The following THSD7B variants were observed in gnomAD, a reference collection of about 807,000 sequenced individuals.
THSD7B encodes thrombospondin type 1 domain containing 7B.
Under a neutral mutation model 213.6 loss-of-function variants are expected in THSD7B, and 138 were observed. That is an observed-to-expected ratio of 0.65 (90% CI 0.56 to 0.74). The LOEUF (loss-of-function observed/expected upper bound fraction) is 0.74, where lower values mean the gene tolerates loss of function less well. Among genes scored for constraint, THSD7B ranks in the 30% least tolerant of loss-of-function variants. The pLI is 0.00. For missense variants in THSD7B, 1,931 were observed against 1,991.5 expected, an observed-to-expected ratio of 0.97 and a Z score of 0.58; for synonymous variants, 742 against 687.0, an observed-to-expected ratio of 1.08 and a Z score of -1.25.
chr2:136,829,880 T>C (rs1397118781), intron 1 of THSD7B, among the ~76,000 whole-genome samples: 1 of 152,214 alleles, frequency 6.6e-6, no homozygotes, highest in Non-Finnish European at 1.5e-5. Context: ...ATAGAATAAT[T>C]ATACATTAAA....
intron 10 of THSD7B, among the ~76,000 whole-genome samples, chr2:137,246,611 A>G (rs7597497): frequency 0.024 from 3,650 of 152,262 alleles, 163 homozygotes; most frequent in African/African-American, 0.083. Flanking sequence ...TGATCTTCTT[A>G]TTCCTCCTTC....
At chr2:137,407,884 C>T (rs1379538600) in intron 13 of THSD7B, among the ~76,000 whole-genome samples, 1 of 151,180 alleles carries the variant, frequency 6.6e-6, no homozygotes, top group Non-Finnish European at 1.5e-5. Context: ...AAAAATATTC[C>T]ATTTATTAGA....
intron 15 of THSD7B, among the ~76,000 whole-genome samples, chr2:137,546,195 G>A (rs1680704766): frequency 6.8e-6 from 1 of 146,984 alleles, no homozygotes. Flanking sequence ...AATTAGAACT[G>A]ATATTAATGC....
chr2:137,198,991 A>C (rs1459418091), intron 7 of THSD7B, among the ~76,000 whole-genome samples: 1 of 152,190 alleles, frequency 6.6e-6, no homozygotes, highest in Non-Finnish European at 1.5e-5. Flanking sequence ...AGAAATTAAC[A>C]ATCAGAGTAG....
chr2:137,081,980 C>T (rs1687755470), intron 3 of THSD7B, among the ~76,000 whole-genome samples: 2 of 152,038 alleles, frequency 1.3e-5, no homozygotes, highest in Non-Finnish European at 2.9e-5. Context: ...CTCTTTACTG[C>T]ATTATCTCTA....
chr2:137,365,219 A>G (rs1029121247), intron 12 of THSD7B, among the ~76,000 whole-genome samples: 8 of 152,316 alleles, frequency 5.3e-5, no homozygotes, highest in African/African-American at 1.9e-4. Context: ...TCTCTTCCTT[A>G]CACCTTATAC....
At chr2:136,995,353 C>G (rs1359712775) in intron 2 of THSD7B, among the ~76,000 whole-genome samples, 1 of 152,070 alleles carries the variant, frequency 6.6e-6, no homozygotes, top group Non-Finnish European at 1.5e-5. Flanking sequence ...GACTCATGGA[C>G]CAGCAAATCT....
At chr2:137,221,935 T>C (rs139807297) in intron 7 of THSD7B, among the ~76,000 whole-genome samples, 63 of 152,346 alleles carry the variant, frequency 4.1e-4, no homozygotes, top group Middle Eastern at 3.4e-3. Flanking sequence ...CCAGATTCTT[T>C]TCTGCAGAGC....
At position 137,035,123 on chromosome 2, in the gene THSD7B, G is replaced by A. The variant is rs565509154; in HGVS notation, c.140-21297G>A. On this transcript the variant is annotated intron_variant, in intron 2 of 27. Transcript: ENST00000409968. ...GAGGCCCTGATGCTAATTGGTCTCA[G>A]AAGTCTGTGAACTTTGAACTTTATC... 3.3e-5 allele frequency among the ~76,000 whole-genome samples: 5 copies of A among 152,314 alleles called. No homozygotes were observed. The South Asian group carries it at 1.0e-3, about 32-fold the overall frequency.
chr2:137,497,917 T>C (rs1036421015), intron 15 of THSD7B, among the ~76,000 whole-genome samples: 3 of 152,208 alleles, frequency 2.0e-5, no homozygotes, highest in Admixed American at 2.0e-4. Context: ...GAAATATTTT[T>C]CTATTAAAAT....
chr2:137,096,913 A>G (rs1290129085), intron 4 of THSD7B, among the ~76,000 whole-genome samples: 1 of 152,230 alleles, frequency 6.6e-6, no homozygotes, highest in African/African-American at 2.4e-5. Context: ...TGGCGCTGCA[A>G]GAAGGATGAC....
At chr2:137,328,305 A>G (rs183833020) in intron 12 of THSD7B, among the ~76,000 whole-genome samples, 23 of 152,300 alleles carry the variant, frequency 1.5e-4, no homozygotes, top group African/African-American at 5.1e-4. Context: ...TTTATGCACA[A>G]ATACAGTCAC....
intron 1 of THSD7B, among the ~76,000 whole-genome samples, chr2:136,872,126 C>T (rs1196889005): frequency 1.3e-5 from 2 of 152,134 alleles, no homozygotes; most frequent in Admixed American, 6.5e-5. Flanking sequence ...GCTCATGTAG[C>T]AGAAGGCACA....
intron 12 of THSD7B, among the ~76,000 whole-genome samples, chr2:137,396,069 T>A (rs970365425): frequency 3.3e-5 from 5 of 151,656 alleles, no homozygotes; most frequent in Admixed American, 6.6e-5. Flanking sequence ...TCTTTATTAG[T>A]CTTGCTAGCG....
intron 14 of THSD7B, among the ~76,000 whole-genome samples, chr2:137,445,259 A>G (rs952473053): frequency 2.0e-5 from 3 of 152,102 alleles, no homozygotes; most frequent in South Asian, 4.1e-4. Context: ...ACTGCTGGGT[A>G]TGTAACCAAA....
At chr2:137,190,021 G>A (rs974150854) in intron 7 of THSD7B, among the ~76,000 whole-genome samples, 2 of 152,058 alleles carry the variant, frequency 1.3e-5, no homozygotes, top group Non-Finnish European at 2.9e-5. Flanking sequence ...AGAGACTTAC[G>A]TGAGGTCACC....
chr2:137,015,320 G>A (rs187461054), intron 2 of THSD7B, among the ~76,000 whole-genome samples: 1 of 152,094 alleles, frequency 6.6e-6, no homozygotes. Context: ...CTGATGGACT[G>A]CTGGGAAATT....
chr2:136,907,907 G>C (rs1391103037), intron 2 of THSD7B, among the ~76,000 whole-genome samples: 1 of 152,168 alleles, frequency 6.6e-6, no homozygotes, highest in Non-Finnish European at 1.5e-5. Flanking sequence ...AGTATTTTAG[G>C]TGATAGTGGT....
chr2:137,623,201 C>T (rs538719985), intron 20 of THSD7B, among the ~76,000 whole-genome samples: 23 of 152,260 alleles, frequency 1.5e-4, no homozygotes, highest in Non-Finnish European at 2.8e-4. Context: ...CATAATTCAT[C>T]ATATAAATAG....
Sources: gnomAD v4.1 joint callset for allele counts (sites outside exome capture counted in the v4.1 genomes callset) on GRCh38, gnomAD v4.1.1 for gene constraint, MANE v1.5 for transcripts, NCBI Gene and HGNC (gene_info 2026-07-23, HGNC 2026-07-21) for gene names.